The following SP3 variants were observed in gnomAD, a reference collection of about 807,000 sequenced individuals.
The protein encoded by SP3 is Sp3 transcription factor.
In SP3, 10 loss-of-function variants were observed where a neutral mutation model predicts 70.3. That is an observed-to-expected ratio of 0.14 (90% CI 0.09 to 0.24). The LOEUF (loss-of-function observed/expected upper bound fraction) is 0.24. Among genes scored for constraint, SP3 ranks in the 10% least tolerant of loss-of-function variants. The pLI, the probability that SP3 is intolerant of heterozygous loss-of-function variation, is 1.00. For missense variants in SP3, 825 were observed against 914.6 expected (o/e 0.90, Z 1.26); for synonymous variants, 402 against 333.5 (o/e 1.21, Z -2.24).
intron 4 of SP3, among the ~76,000 whole-genome samples, chr2:173,943,062 T>C (rs916732706): frequency 6.6e-6 from 1 of 152,120 alleles, no homozygotes; most frequent in African/African-American, 2.4e-5. Context: ...GGGAGTATCC[T>C]AGAACCAATG....
At chr2:173,912,465 T>C (rs919171391) in intron 6 of SP3, among the ~76,000 whole-genome samples, 4 of 152,198 alleles carry the variant, frequency 2.6e-5, no homozygotes, top group Admixed American at 2.0e-4. Flanking sequence ...ACTTTAATCA[T>C]TTACATGGTA....
At chr2:173,939,487 G>A (rs1037219575) in intron 4 of SP3, among the ~76,000 whole-genome samples, 1 of 152,118 alleles carries the variant, frequency 6.6e-6, no homozygotes, top group African/African-American at 2.4e-5. Context: ...CATCTGGCCA[G>A]GCACGGTGGC....
chr2:173,948,335 C>A (rs1690606748), intron 4 of SP3, among the ~76,000 whole-genome samples: 1 of 152,182 alleles, frequency 6.6e-6, no homozygotes, highest in African/African-American at 2.4e-5. Flanking sequence ...ACATGCCATT[C>A]TTTGCACTAA....
chr2:173,947,189 C>T (rs936174551), intron 4 of SP3, among the ~76,000 whole-genome samples: 16 of 152,218 alleles, frequency 1.1e-4, no homozygotes, highest in African/African-American at 3.6e-4. Flanking sequence ...ACTTCTTCAA[C>T]ACAAGAAAAT....
chr2:173,941,127 T>TA (rs71021605), intron 4 of SP3, among the ~76,000 whole-genome samples: 3,911 of 92,910 alleles, frequency 0.042, 107 homozygotes, highest in African/African-American at 0.073. Flanking sequence ...ACAACACGAG[T>TA]AAAAAAAAAA....
intron 1 of SP3, chr2:173,964,784 C>T (rs976247512): frequency 1.3e-5 from 6 of 456,262 alleles, no homozygotes; most frequent in South Asian, 7.4e-5. Context: ...CCTCCTCCTC[C>T]TCCTCCCCGC....
At chr2:173,957,796 T>C (rs896476965) in intron 3 of SP3, among the ~76,000 whole-genome samples, 3 of 152,152 alleles carry the variant, frequency 2.0e-5, no homozygotes, top group Non-Finnish European at 2.9e-5. Flanking sequence ...GCTGAGAAAT[T>C]GTGGAACCCA....
intron 4 of SP3, among the ~76,000 whole-genome samples, chr2:173,952,125 T>TA (rs1216504892): frequency 6.9e-6 from 1 of 144,546 alleles, no homozygotes; most frequent in Non-Finnish European, 1.5e-5. Flanking sequence ...TTTGAGGAAA[T>TA]ATCTGTCACT....
At position 173,902,077 on chromosome 2, in the gene SP3, G is replaced by T. The variant is rs1054259958; in HGVS notation, c.*7864C>A. Among the ~76,000 whole-genome samples the T allele has an allele frequency of 3.3e-5, 5 of 152,100 alleles. No individual in the cohort carries two copies. The highest frequency in any genetic ancestry group is 1.2e-4 in the African/African-American group (5 of 41,414). On this transcript the variant is annotated 3_prime_UTR_variant, in exon 7 of 7. Coordinates refer to ENST00000310015, the MANE Select transcript of SP3 (RefSeq NM_003111.5). ...GAGACTATGAGGACTACCACACCTG[G>T]GCAGGGCTTGACTGAGAGATAGAAG...
rs1029170815 is a variant in SP3 at position 173,961,707 on chromosome 2, C to A, written c.279+2054G>T. Among the ~76,000 whole-genome samples the A allele has an allele frequency of 4.6e-5, 7 of 152,288 alleles. No individual in the cohort carries two copies. In the East Asian group the frequency reaches 1.2e-3, roughly 25 times the overall value. ...AACACAGCTATAACCTCTCATAATT[C>A]CCAGTCATTTGAGTAATAAAAGATT... is the stretch of plus-strand genomic sequence containing the variant. On this transcript the variant is annotated intron_variant, in intron 3 of 6. Coordinates refer to ENST00000310015, the MANE Select transcript of SP3 (RefSeq NM_003111.5).
At position 173,901,992 on chromosome 2, in the gene SP3, CTTCTT is replaced by C. The variant is rs1689198886; in HGVS notation, c.*7944_*7948del. Among the ~76,000 whole-genome samples, 1 of 152,144 alleles carries C rather than the reference CTTCTT, an allele frequency of 6.6e-6. No homozygotes were observed. Among genetic ancestry groups the C allele is most frequent in the Non-Finnish European group, 1.5e-5 (1 of 68,016 alleles). Reference sequence around the variant, plus strand: ...CATGAGCCACTGCCCCCGGCCAAGCCTTCTTTTCAATATTCAACTCAAGAGAGTGG... The same window carrying C: ...CATGAGCCACTGCCCCCGGCCAAGCCTTCAATATTCAACTCAAGAGAGTGG... On this transcript the variant is annotated 3_prime_UTR_variant, in exon 7 of 7. Coordinates refer to ENST00000310015, the MANE Select transcript of SP3 (RefSeq NM_003111.5).
intron 4 of SP3, among the ~76,000 whole-genome samples, chr2:173,930,317 A>G (rs73028241): frequency 0.016 from 2,473 of 152,270 alleles, 73 homozygotes; most frequent in African/African-American, 0.057. Flanking sequence ...CGCTCATCCC[A>G]GTACTTTGGG....
At chr2:173,951,515 CTCTGTAATG>C (rs1251392202) in intron 4 of SP3, among the ~76,000 whole-genome samples, 1 of 152,168 alleles carries the variant, frequency 6.6e-6, no homozygotes, top group African/African-American at 2.4e-5. Flanking sequence ...TTTCACAAAT[CTCTGTAATG>C]TCTAGAGTGA....
At chr2:173,946,191 G>A (rs930002550) in intron 4 of SP3, among the ~76,000 whole-genome samples, 54 of 152,046 alleles carry the variant, frequency 3.6e-4, no homozygotes, top group African/African-American at 1.3e-3. Context: ...AGAAATAAAG[G>A]AAACAAGAAT....
intron 4 of SP3, among the ~76,000 whole-genome samples, chr2:173,926,227 A>G (rs1689904804): frequency 6.6e-6 from 1 of 152,280 alleles, no homozygotes; most frequent in South Asian, 2.1e-4. Context: ...AGGACAAAAT[A>G]CACTGTTTTT....
chr2:173,922,286 CA>C (rs1482155069), intron 4 of SP3, among the ~76,000 whole-genome samples: 1 of 150,046 alleles, frequency 6.7e-6, no homozygotes, highest in East Asian at 1.9e-4. Context: ...AAAACACTCC[CA>C]AGGTTTTTTT....
chr2:173,941,274 A>G (rs77871543), intron 4 of SP3, among the ~76,000 whole-genome samples: 10,745 of 152,154 alleles, frequency 0.071, 566 homozygotes, highest in African/African-American at 0.14. Flanking sequence ...ACTAAATCCA[A>G]TATCCCGTTC....
At chr2:173,921,339 G>A (rs1221951141) in intron 4 of SP3, among the ~76,000 whole-genome samples, 33 of 152,060 alleles carry the variant, frequency 2.2e-4, no homozygotes, top group Non-Finnish European at 2.9e-5. Flanking sequence ...TATATGTATG[G>A]CTACGATGTG....
chr2:173,955,942 G>A lies in SP3; in HGVS notation c.570C>T (p.Gly190=), dbSNP rs1487704920. The A allele has an allele frequency of 6.2e-7, 1 of 1,614,204 alleles. No individual in the cohort carries two copies. The highest frequency in any genetic ancestry group is 2.2e-5 in the East Asian group (1 of 44,894). The change falls in exon 4 of 7, where the codon GGC becomes GGT. Residue 190 remains glycine, a synonymous_variant. Transcript: ENST00000310015. ...DGQQVQIGFT[G]SSDNGGINQE... is the part of the protein sequence containing the mutation. Reference sequence around the variant, plus strand: ...GATTTATACCCCCATTATCTGAAGAGCCTGTGAAACCAATTTGAACCTGCT... The same window carrying A: ...GATTTATACCCCCATTATCTGAAGAACCTGTGAAACCAATTTGAACCTGCT...
Sources: allele counts gnomAD v4.1 joint callset (sites outside exome capture counted in the v4.1 genomes callset), GRCh38; gene constraint gnomAD v4.1.1; transcripts MANE v1.5; gene names NCBI Gene and HGNC (gene_info 2026-07-23, HGNC 2026-07-21).